The following DEAF1 variants were observed in gnomAD, a reference collection of about 807,000 sequenced individuals.
DEAF1 encodes the protein deformed epidermal autoregulatory factor 1 homolog.
Under a neutral mutation model 58.9 loss-of-function variants are expected in DEAF1, and 53 were observed. That is an observed-to-expected ratio of 0.90 (90% CI 0.72 to 1.13). The LOEUF (loss-of-function observed/expected upper bound fraction) is 1.13. Among genes scored for constraint, DEAF1 ranks in the 50% most tolerant of loss-of-function variants. The pLI, the probability that DEAF1 is intolerant of heterozygous loss-of-function variation, is 0.00. For synonymous variants in DEAF1, 385 were observed against 340.4 expected (o/e 1.13, Z -1.44); for missense variants, 685 against 791.4 (o/e 0.87, Z 1.61).
At chr11:695,988 C>T (rs893386480), upstream of DEAF1, 1 of 698,466 alleles carries the variant, frequency 1.4e-6, no homozygotes, top group Non-Finnish European at 2.0e-6. Context: ...TCCGTCACCC[C>T]ATCGAGAAGC....
chr11:695,963 C>G, upstream of DEAF1: 1 of 822,764 alleles, frequency 1.2e-6, no homozygotes, highest in East Asian at 3.4e-5. Flanking sequence ...ACCGTCTCTA[C>G]GTGAGCGAGA....
intron 10 of DEAF1, among the ~76,000 whole-genome samples, chr11:668,580 T>C (rs1254888201): frequency 3.9e-5 from 6 of 152,092 alleles, no homozygotes; most frequent in African/African-American, 1.4e-4. Flanking sequence ...CCCAGCACTT[T>C]GGGAAGCTGA....
At chr11:660,283 C>T (rs550101168) in intron 10 of DEAF1, among the ~76,000 whole-genome samples, 11 of 152,304 alleles carry the variant, frequency 7.2e-5, no homozygotes, top group African/African-American at 1.9e-4. Context: ...CAGAGTTTGC[C>T]GTTTCTATGA....
chr11:675,286 A>C (rs922872407), intron 9 of DEAF1, among the ~76,000 whole-genome samples: 3 of 152,194 alleles, frequency 2.0e-5, no homozygotes, highest in Non-Finnish European at 4.4e-5. Flanking sequence ...TGGGAGACTG[A>C]GGTGGGAGGA....
chr11:667,345 A>G (rs576585420), intron 10 of DEAF1, among the ~76,000 whole-genome samples: 4 of 128,376 alleles, frequency 3.1e-5, no homozygotes, highest in East Asian at 5.3e-4. Flanking sequence ...AGAAGGAAGG[A>G]AGGGAGGGAT....
intron 10 of DEAF1, among the ~76,000 whole-genome samples, chr11:669,924 T>C (rs1185181585): frequency 1.7e-4 from 10 of 59,370 alleles, no homozygotes; most frequent in African/African-American, 3.8e-4. Context: ...TGTGAGACTG[T>C]CTCAAAAAAA....
chr11:689,320 C>T (rs1860735106), intron 2 of DEAF1, among the ~76,000 whole-genome samples: 1 of 150,540 alleles, frequency 6.6e-6, no homozygotes, highest in African/African-American at 2.4e-5. Flanking sequence ...ATTGTCCTGC[C>T]TCAGCCTCCT....
intron 6 of DEAF1, among the ~76,000 whole-genome samples, chr11:683,878 G>C (rs148667584): frequency 9.9e-5 from 15 of 152,170 alleles, no homozygotes; most frequent in Non-Finnish European, 1.9e-4. Flanking sequence ...TTCAGTGTTG[G>C]AGCCCCTGCA....
In DEAF1 at chr11:644,637, C is replaced by T. The variant is rs776049891; in HGVS notation, c.1611G>A (p.Gln537=). The change falls in exon 12 of 12, where the codon CAG becomes CAA. Residue 537 remains glutamine, a synonymous_variant. Coordinates refer to ENST00000382409, the MANE Select transcript of DEAF1 (RefSeq NM_021008.4). This position sits in a 1 kb window ranked among gnomAD's most constrained non-coding sequence, Gnocchi z 4.3. ...CAGCTGCTGACTGGCCGCATATGTG[C>T]TGGTGATCCTTCCAGTCCTGGAAGG... The part of the protein sequence containing the change: ...FCQRKDWKDH[Q]HICGQSAAVT... The T allele has an allele frequency of 1.9e-6, 3 of 1,611,606 alleles. No homozygotes were observed. The East Asian group carries it at 6.7e-5, about 36-fold the overall frequency.
At chr11:662,622 G>C (rs2133323720) in intron 10 of DEAF1, among the ~76,000 whole-genome samples, 1 of 152,284 alleles carries the variant, frequency 6.6e-6, no homozygotes, top group Middle Eastern at 3.4e-3. Flanking sequence ...CCTCCTTGTA[G>C]GACTTCTGAG....
intron 1 of DEAF1, chr11:704,278 G>A: frequency 1.4e-6 from 1 of 726,426 alleles, no homozygotes; most frequent in South Asian, 1.8e-5. Context: ...GGACTCCTGA[G>A]GGCAGGAGGC....
At chr11:671,864 A>C (rs7941887) in intron 10 of DEAF1, among the ~76,000 whole-genome samples, 69,387 of 143,594 alleles carry the variant, frequency 0.48, 18,328 homozygotes, top group East Asian at 0.73. Flanking sequence ...CACAAAAAAC[A>C]CTAATCACAT....
At chr11:699,236 T>A (rs1336501716), upstream of DEAF1, 2 of 355,474 alleles carry the variant, frequency 5.6e-6, no homozygotes, top group Non-Finnish European at 1.0e-5. Context: ...TTGTTTATGT[T>A]TTTTTAAGGA....
At chr11:681,537 A>T (rs1031268895) in intron 6 of DEAF1, among the ~76,000 whole-genome samples, 43 of 151,282 alleles carry the variant, frequency 2.8e-4, no homozygotes, top group African/African-American at 9.0e-4. Flanking sequence ...CAACCTCCCG[A>T]GTAGCTGGGA....
At chr11:680,556 G>T (rs780439518) in intron 7 of DEAF1, among the ~76,000 whole-genome samples, 1 of 152,230 alleles carries the variant, frequency 6.6e-6, no homozygotes, top group Non-Finnish European at 1.5e-5. Flanking sequence ...GCTGCAGCGA[G>T]CCGGGATCCT....
chr11:691,913 C>T (rs1319916471), intron 1 of DEAF1, among the ~76,000 whole-genome samples: 2 of 152,196 alleles, frequency 1.3e-5, no homozygotes, highest in Non-Finnish European at 2.9e-5. Context: ...GGGCTTCTAT[C>T]TCCTTCTGCG....
At chr11:689,367 G>A (rs1243780017) in intron 2 of DEAF1, among the ~76,000 whole-genome samples, 4 of 144,066 alleles carry the variant, frequency 2.8e-5, no homozygotes, top group African/African-American at 7.5e-5. Flanking sequence ...CACCACACCA[G>A]GCTAATTTTT....
intron 10 of DEAF1, among the ~76,000 whole-genome samples, chr11:660,928 T>G (rs1393574366): frequency 6.6e-6 from 1 of 152,210 alleles, no homozygotes; most frequent in African/African-American, 2.4e-5. Flanking sequence ...GCGGCTGCTC[T>G]GGGGTCTGTC....
intron 9 of DEAF1, among the ~76,000 whole-genome samples, chr11:677,824 A>G (rs1466077342): frequency 6.6e-6 from 1 of 151,706 alleles, no homozygotes; most frequent in Non-Finnish European, 1.5e-5. Context: ...TTAGCTGGGC[A>G]TGGTGGCGTG....
Sources: gnomAD v4.1 joint callset for allele counts (sites outside exome capture counted in the v4.1 genomes callset) on GRCh38, gnomAD v4.1.1 for gene constraint, Gnocchi (gnomAD v3.1) non-coding constraint, MANE v1.5 for transcripts, NCBI Gene and HGNC (gene_info 2026-07-23, HGNC 2026-07-21) for gene names.